The following PAK5 variants were observed in gnomAD, a reference collection of about 807,000 sequenced individuals.
The protein encoded by PAK5 is p21 (RAC1) activated kinase 5, also known as serine/threonine-protein kinase PAK 5.
A neutral mutation model predicts 65.9 loss-of-function variants in PAK5; 16 were observed. That is an observed-to-expected ratio of 0.24 (90% CI 0.16 to 0.37). PAK5 has a LOEUF of 0.37. Among genes scored for constraint, PAK5 ranks in the 10% least tolerant of loss-of-function variants. The pLI is 1.00. For missense variants in PAK5, 785 were observed against 903.9 expected (o/e 0.87, Z 1.69); for synonymous variants, 371 against 354.9 (o/e 1.05, Z -0.51).
At chr20:9,645,512 C>T (rs1403208094) in intron 2 of PAK5, among the ~76,000 whole-genome samples, 1 of 152,114 alleles carries the variant, frequency 6.6e-6, no homozygotes, top group African/African-American at 2.4e-5. Context: ...GATGTTTTGG[C>T]CTACATGTTG....
chr20:9,580,874 C>T lies in PAK5; in HGVS notation c.261G>A (p.Glu87=), dbSNP rs2123019913. The change falls in exon 4 of 10, where the codon GAG becomes GAA. Residue 87 remains glutamate, a synonymous_variant. Coordinates refer to ENST00000353224, the MANE Select transcript of PAK5 (RefSeq NM_177990.4). ...GAGTCACCGAGATGTTGTCAAAATC[C>T]TCTAGCAGGCCGTTGATGGAGGTTT... is the stretch of plus-strand genomic sequence containing the variant. ...CKETSINGLL[E]DFDNISVTRS... The T allele has an allele frequency of 6.2e-7, 1 of 1,611,188 alleles. No individual in the cohort carries two copies. Among genetic ancestry groups the T allele is most frequent in the East Asian group, 2.2e-5 (1 of 44,818 alleles).
chr20:9,628,753 C>T (rs1046979664), intron 3 of PAK5, among the ~76,000 whole-genome samples: 1 of 152,184 alleles, frequency 6.6e-6, no homozygotes, highest in African/African-American at 2.4e-5. Context: ...AGGCCACCTG[C>T]AGAAATTTCC....
intron 1 of PAK5, among the ~76,000 whole-genome samples, chr20:9,726,243 T>C (rs967642180): frequency 2.6e-5 from 4 of 152,180 alleles, no homozygotes; most frequent in Non-Finnish European, 4.4e-5. Context: ...AGACACAGCT[T>C]CCAAACTCAT....
intron 3 of PAK5, among the ~76,000 whole-genome samples, chr20:9,641,136 T>G (rs1285486897): frequency 6.6e-6 from 1 of 151,914 alleles, no homozygotes; most frequent in Non-Finnish European, 1.5e-5. Context: ...CCCATCAGAT[T>G]AGTTAGATAC....
At chr20:9,687,661 C>A (rs1164127581) in intron 2 of PAK5, among the ~76,000 whole-genome samples, 2 of 152,082 alleles carry the variant, frequency 1.3e-5, no homozygotes, top group African/African-American at 4.8e-5. Flanking sequence ...GCTTCAGATA[C>A]GGCCAAACAC....
chr20:9,554,445 C>T (rs1310740893), intron 7 of PAK5, among the ~76,000 whole-genome samples: 1 of 152,206 alleles, frequency 6.6e-6, no homozygotes, highest in African/African-American at 2.4e-5. Flanking sequence ...CCTGGACTGA[C>T]TACCTGACAT....
chr20:9,596,590 A>AGCACTACT (rs2123086814), intron 3 of PAK5, among the ~76,000 whole-genome samples: 1 of 144,498 alleles, frequency 6.9e-6, no homozygotes, highest in African/African-American at 2.6e-5. Flanking sequence ...GAGCTGAGAT[A>AGCACTACT]GCACTACTGC....
At chr20:9,573,605 T>C (rs2045830949) in intron 4 of PAK5, among the ~76,000 whole-genome samples, 2 of 152,264 alleles carry the variant, frequency 1.3e-5, no homozygotes, top group South Asian at 4.1e-4. Context: ...GACCATTTTA[T>C]GCCAAGTCTT....
At chr20:9,633,359 G>T (rs868046645) in intron 3 of PAK5, among the ~76,000 whole-genome samples, 1 of 151,946 alleles carries the variant, frequency 6.6e-6, no homozygotes, top group Admixed American at 6.6e-5. Flanking sequence ...TTGAGACAGG[G>T]TGTCACTCCA....
chr20:9,717,098 A>G (rs1381706662), intron 1 of PAK5, among the ~76,000 whole-genome samples: 1 of 151,942 alleles, frequency 6.6e-6, no homozygotes, highest in Non-Finnish European at 1.5e-5. Context: ...AAAAAAAAAA[A>G]GAAAGAAATC....
intron 2 of PAK5, among the ~76,000 whole-genome samples, chr20:9,659,535 G>GTTGTCAAGCTGTCCACTTTTAATGTCA (rs1315646222): frequency 6.6e-6 from 1 of 152,136 alleles, no homozygotes; most frequent in Non-Finnish European, 1.5e-5. Flanking sequence ...GTAGAAATAA[G>GTTGTCAAGCTGTCCACTTTTAATGTCA]TTGTCAAGCT....
intron 2 of PAK5, among the ~76,000 whole-genome samples, chr20:9,675,172 T>C (rs2423411): frequency 0.27 from 41,026 of 151,932 alleles, 5,858 homozygotes; most frequent in South Asian, 0.43. Flanking sequence ...GCTTTCTGAG[T>C]AGACAGAACT....
At chr20:9,616,764 C>T (rs1420552991) in intron 3 of PAK5, among the ~76,000 whole-genome samples, 1 of 152,170 alleles carries the variant, frequency 6.6e-6, no homozygotes, top group South Asian at 2.1e-4. Flanking sequence ...TGATAACCTT[C>T]CCTATTCTGG....
intron 1 of PAK5, among the ~76,000 whole-genome samples, chr20:9,775,753 C>G (rs1028713684): frequency 5.3e-5 from 8 of 152,116 alleles, no homozygotes; most frequent in Non-Finnish European, 8.8e-5. Context: ...TTCTTTTAGA[C>G]AGAATAGTGA....
chr20:9,604,191 C>A (rs2046410263), intron 3 of PAK5, among the ~76,000 whole-genome samples: 1 of 152,188 alleles, frequency 6.6e-6, no homozygotes, highest in Non-Finnish European at 1.5e-5. Flanking sequence ...TATCAGAGCC[C>A]CTGGGCTCTT....
intron 3 of PAK5, among the ~76,000 whole-genome samples, chr20:9,605,353 G>C (rs1307432646): frequency 1.3e-5 from 2 of 152,188 alleles, no homozygotes; most frequent in Non-Finnish European, 2.9e-5. Flanking sequence ...GTAAACTCAG[G>C]TGTGTTCAGG....
Position 9,822,471 on chromosome 20 carries a change from A to G in PAK5, c.-162+16291T>C, listed in dbSNP as rs74636583. ...CTTAATTATGTACAATTGAACACCTATAGTTATATCATCTTGTTCATTTGG... is the reference window on the plus strand; with the variant it reads ...CTTAATTATGTACAATTGAACACCTGTAGTTATATCATCTTGTTCATTTGG... On this transcript the variant is annotated intron_variant, in intron 1 of 9. Coordinates refer to ENST00000353224, the MANE Select transcript of PAK5 (RefSeq NM_177990.4). 1.8e-3 allele frequency among the ~76,000 whole-genome samples: 278 copies of G among 152,284 alleles called. 1 individual carries two copies. The highest frequency in any genetic ancestry group is 6.4e-3 in the African/African-American group (267 of 41,566).
At chr20:9,649,114 T>G (rs1294819331) in intron 2 of PAK5, among the ~76,000 whole-genome samples, 4 of 152,246 alleles carry the variant, frequency 2.6e-5, no homozygotes, top group African/African-American at 9.6e-5. Context: ...AGAATTAATT[T>G]GAAATATTTC....
intron 3 of PAK5, among the ~76,000 whole-genome samples, chr20:9,641,696 C>T (rs939912147): frequency 2.5e-4 from 38 of 152,152 alleles, no homozygotes; most frequent in Admixed American, 2.0e-3. Flanking sequence ...GGGTGGGAGG[C>T]TCAGGCATGG....
Sources: gnomAD v4.1 joint callset for allele counts (sites outside exome capture counted in the v4.1 genomes callset) on GRCh38, gnomAD v4.1.1 for gene constraint, MANE v1.5 for transcripts, NCBI Gene and HGNC (gene_info 2026-07-23, HGNC 2026-07-21) for gene names.